TFPI2: variants seen among roughly 807,000 people sequenced by gnomAD.
The protein encoded by TFPI2 is tissue factor pathway inhibitor 2.
TFPI2 carries 23 observed loss-of-function variants against 23.1 expected under a neutral mutation model. The ratio of observed to expected loss-of-function variants is 1.00; its 90% CI spans 0.72 to 1.41. The LOEUF is 1.41. TFPI2 is among the 40% of genes most tolerant of loss of function. TFPI2 has a pLI of 0.00. For synonymous variants in TFPI2, 119 were observed against 111.7 expected, an observed-to-expected ratio of 1.07 and a Z score of -0.41; for missense variants, 291 against 299.6, an observed-to-expected ratio of 0.97 and a Z score of 0.21.
intron 3 of TFPI2, 41 bp from the exon 4 acceptor site, chr7:93,887,472 C>A: frequency 6.6e-7 from 1 of 1,522,290 alleles, no homozygotes; most frequent in South Asian, 1.2e-5. Flanking sequence ...GTTATAATAC[C>A]AGAATTTTTA....
rs1473845857 is a variant in TFPI2, at chr7:93,890,737, G to A, written c.-59C>T. The stretch of plus-strand genomic sequence containing the variant: ...CGTCCGAGAAAGCGCCTGGCGGGAG[G>A]AGGTGCGCGGCTTTCTGCTCCAGGC... On this transcript the variant is annotated 5_prime_UTR_variant, in exon 1 of 5. Transcript: ENST00000222543. 6.6e-7 allele frequency: 1 copy of A among 1,511,982 alleles called. No homozygotes were observed. Among genetic ancestry groups the A allele is most frequent in the African/African-American group, 1.4e-5 (1 of 70,362 alleles). The allele number at this position is 1,511,982 out of a possible 1,614,324, so 93.7% of individuals were successfully genotyped here.
At chr7:93,888,589 G>GGAAGGAAAGAGAAAGAAAGAA (rs138314368) in intron 3 of TFPI2, among the ~76,000 whole-genome samples, 16 of 103,336 alleles carry the variant, frequency 1.5e-4, no homozygotes, top group Admixed American at 8.8e-4. Context: ...AGGAAGGAAA[G>GGAAGGAAAGAGAAAGAAAGAA]AGAAAGAAAG....
chr7:93,890,330 G>A lies in TFPI2; in HGVS notation c.89-11C>T, dbSNP rs547296999. On this transcript the variant is annotated splice_polypyrimidine_tract_variant and intron_variant, in intron 1 of 4. Coordinates refer to ENST00000222543, the MANE Select transcript of TFPI2 (RefSeq NM_006528.4). ...TCTCCGCGTTATTTCCTGAAGAAGG[G>A]GCAGAAGGAGAGCAAAAGAGAGGGA... The A allele has an allele frequency of 1.3e-6, 2 of 1,597,672 alleles. No homozygotes were observed. The highest frequency in any genetic ancestry group is 3.4e-5 in the Admixed American group (2 of 58,918).
In TFPI2 at chr7:93,887,416, T is replaced by C. The variant is rs1439201619; in HGVS notation, c.476A>G (p.Tyr159Cys). 1.2e-6 allele frequency: 2 copies of C among 1,606,076 alleles called. No homozygotes were observed. The highest frequency in any genetic ancestry group is 1.3e-5 in the African/African-American group (1 of 74,540). ...CAPKKIPSFC[Y>C]SPKDEGLCSA... ...GCACAGTCCCTCATCTTTTGGACTG[T>C]AGCAAAATGATGGAACTTTATAAAA... The change falls in exon 4 of 5, where the codon TAC becomes TGC. Residue 159 changes from tyrosine (Y) to cysteine (C), a missense_variant. By Grantham distance (194) the Tyr-to-Cys change is radical. Transcript: ENST00000222543.
At position 93,887,327 on chromosome 7, in the gene TFPI2, T is replaced by C. The variant is rs1026266842; in HGVS notation, c.565A>G (p.Thr189Ala). ...RYRTCDAFTY[T>A]GCGGNDNNFV... is the part of the protein sequence containing the mutation. The stretch of plus-strand genomic sequence containing the variant: ...TTATTGTCATTCCCTCCACAGCCAG[T>C]ATAGGTGAAAGCATCACAGGTTCTG... The change falls in exon 4 of 5, where the codon ACT becomes GCT. Residue 189 changes from threonine (T) to alanine (A), a missense_variant. Thr to Ala is a moderately conservative substitution (Grantham distance 58, BLOSUM62 0). Coordinates refer to ENST00000222543, the MANE Select transcript of TFPI2 (RefSeq NM_006528.4). 36 of 1,613,748 alleles carry C rather than the reference T, an allele frequency of 2.2e-5. No individual in the cohort carries two copies. In the Admixed American group the frequency reaches 3.8e-4, roughly 17 times the overall value.
rs1216143414 is a variant in TFPI2, at chr7:93,886,807, A to T, written c.*13T>A. ...AAGCCATAAAGACAAACAAGATGAC[A>T]TATTAAGAATGTTTAAAATTGCTTC... On this transcript the variant is annotated 3_prime_UTR_variant, in exon 5 of 5. Transcript: ENST00000222543. The T allele has an allele frequency of 1.3e-6, 2 of 1,519,196 alleles. No individual in the cohort carries two copies. Among genetic ancestry groups the T allele is most frequent in the African/African-American group, 2.9e-5 (2 of 69,608 alleles). 94.1% of individuals were successfully genotyped at this position (1,519,196 alleles called of 1,614,324 possible).
At chr7:93,889,321 T>A (rs1369700571) in intron 2 of TFPI2, 98 bp from the exon 3 acceptor site, 1 of 1,151,862 alleles carries the variant, frequency 8.7e-7, no homozygotes, top group African/African-American at 1.6e-5. Context: ...GGGAGAGAAG[T>A]TGTATTAGTG....
At chr7:93,888,822 G>A (rs113675396) in intron 3 of TFPI2, among the ~76,000 whole-genome samples, 46 of 152,194 alleles carry the variant, frequency 3.0e-4, no homozygotes, top group African/African-American at 8.2e-4. Context: ...GCGAGAGTCC[G>A]TCTCAAAAAC....
rs767422286 is a variant in TFPI2 at position 93,890,259 on chromosome 7, A to T, written c.149T>A (p.Leu50His). 6.2e-7 allele frequency: 1 copy of T among 1,613,852 alleles called. No individual in the cohort carries two copies. The highest frequency in any genetic ancestry group is 1.1e-5 in the South Asian group (1 of 91,068). Residue 50 changes from leucine to histidine, a missense_variant, in exon 2 of 5, where the codon CTC becomes CAC. Leu to His is a moderately conservative substitution (Grantham distance 99). Coordinates refer to ENST00000222543, the MANE Select transcript of TFPI2 (RefSeq NM_006528.4). ...CGTGTACCTGTCGTAGTAGTAACGG[A>T]GAAGTAGGGCCCGGCAGGGTCCGTA... ...LDYGPCRALL[L>H]RYYYDRYTQS...
chr7:93,887,301 G>C lies in TFPI2; in HGVS notation c.591C>G (p.Asn197Lys). Residue 197 changes from asparagine to lysine, a missense_variant, in exon 4 of 5, where the codon AAC (asparagine) becomes AAG (lysine). Transcript: ENST00000222543. ...GTTTGCAATCCTCCCTGCTAACAAA[G>C]TTATTGTCATTCCCTCCACAGCCAG... is the stretch of plus-strand genomic sequence containing the variant. Reference protein sequence around the residue: ...TYTGCGGNDNNFVSREDCKRA... With the variant: ...TYTGCGGNDNKFVSREDCKRA... 1 of 1,613,008 alleles carries C rather than the reference G, an allele frequency of 6.2e-7. No homozygotes were observed. Among genetic ancestry groups the C allele is most frequent in the African/African-American group, 1.3e-5 (1 of 75,008 alleles).
At position 93,890,277 on chromosome 7, in the gene TFPI2, G is replaced by T; in HGVS notation, c.131C>A (p.Pro44His). The change falls in exon 2 of 5, where the codon CCC becomes CAC. Residue 44 changes from proline (P) to histidine (H), a missense_variant. Transcript: ENST00000222543. ...GTAACGGAGAAGTAGGGCCCGGCAGGGTCCGTAGTCTAGGGGCAGGAGACA... is the reference window on the plus strand; with the variant it reads ...GTAACGGAGAAGTAGGGCCCGGCAGTGTCCGTAGTCTAGGGGCAGGAGACA... ...EICLLPLDYG[P>H]CRALLLRYYY... 2.5e-6 allele frequency: 4 copies of T among 1,613,320 alleles called. No homozygotes were observed. Among genetic ancestry groups the T allele is most frequent in the Non-Finnish European group, 3.4e-6 (4 of 1,179,338 alleles).
intron 3 of TFPI2, 91 bp from the exon 4 acceptor site, chr7:93,887,522 C>T: frequency 1.0e-6 from 1 of 975,932 alleles, no homozygotes. Context: ...AAAATCTAAT[C>T]CCATAGAAGC....
In TFPI2 at chr7:93,886,824, A is replaced by T. The variant is rs776458771; in HGVS notation, c.704T>A (p.Phe235Tyr). Residue 235 changes from phenylalanine (F) to tyrosine (Y), a missense_variant, in exon 5 of 5, where the codon TTT (phenylalanine) becomes TAT (tyrosine). Coordinates refer to ENST00000222543, the MANE Select transcript of TFPI2 (RefSeq NM_006528.4). ...SRIRKIRKKQ[F>Y] ...AAGATGACATATTAAGAATGTTTAA[A>T]ATTGCTTCTTCCGAATTTTCCGGAT... is the stretch of plus-strand genomic sequence containing the variant. The T allele has an allele frequency of 2.5e-5, 39 of 1,553,528 alleles. 1 individual carries two copies. The Middle Eastern group carries it at 6.8e-4, about 27-fold the overall frequency.
At position 93,889,492 on chromosome 7, in the gene TFPI2, G is replaced by C. The variant is rs1584077900; in HGVS notation, c.272-269C>G. Among the ~76,000 whole-genome samples, 3 of 151,920 alleles carry C rather than the reference G, an allele frequency of 2.0e-5. No individual in the cohort carries two copies. In the East Asian group the frequency reaches 5.8e-4, roughly 29 times the overall value. On this transcript the variant is annotated intron_variant, in intron 2 of 4. Transcript: ENST00000222543. ...TGTTCTCTGATTGTACATATGCAGTGAATCAAAGCTTATTCACATGAATAC... is the reference window on the plus strand; with the variant it reads ...TGTTCTCTGATTGTACATATGCAGTCAATCAAAGCTTATTCACATGAATAC...
In TFPI2 at chr7:93,890,688, G is replaced by A; in HGVS notation, c.-10C>T. The A allele has an allele frequency of 6.2e-7, 1 of 1,605,464 alleles. No homozygotes were observed. Among genetic ancestry groups the A allele is most frequent in the East Asian group, 2.3e-5 (1 of 43,964 alleles). ...GGCGAGCGGGGTCCATGGTGCAGGG[G>A]GTCGGGCGGCCCGCTGGGCAAGGCG... On this transcript the variant is annotated 5_prime_UTR_variant, in exon 1 of 5. Transcript: ENST00000222543.
In TFPI2 at chr7:93,886,471, A is replaced by T. The variant is rs1793994455; in HGVS notation, c.*349T>A. On this transcript the variant is annotated 3_prime_UTR_variant, in exon 5 of 5. Coordinates refer to ENST00000222543, the MANE Select transcript of TFPI2 (RefSeq NM_006528.4). ...GTCCTTTTTATTCTCAAATATGTTA[A>T]AAGCACATGATTATATTGTCTTATG... is the stretch of plus-strand genomic sequence containing the variant. 6.0e-6 allele frequency: 1 copy of T among 166,462 alleles called. No homozygotes were observed. The highest frequency in any genetic ancestry group is 6.4e-5 in the Admixed American group (1 of 15,634). 10.3% of individuals were successfully genotyped at this position (166,462 alleles called of 1,614,324 possible).
intron 2 of TFPI2, among the ~76,000 whole-genome samples, chr7:93,889,517 C>T (rs1426923621): frequency 6.6e-6 from 1 of 152,032 alleles, no homozygotes; most frequent in Non-Finnish European, 1.5e-5. Flanking sequence ...CACATGAATA[C>T]GCATTTTCCC....
At chr7:93,890,543 C>G (rs112988173) in intron 1 of TFPI2, 48 bp downstream of exon 1, 2 of 1,587,092 alleles carry the variant, frequency 1.3e-6, no homozygotes, top group East Asian at 2.3e-5. Context: ...TGGCCCGCTG[C>G]GCCCTCTCCG....
At chr7:93,888,624 G>C (rs1198392619) in intron 3 of TFPI2, among the ~76,000 whole-genome samples, 1 of 144,118 alleles carries the variant, frequency 6.9e-6, no homozygotes, top group Non-Finnish European at 1.5e-5. Context: ...AGAAAGGAGA[G>C]AAAGGAAGGA....
Sources: allele counts gnomAD v4.1 joint callset (sites outside exome capture counted in the v4.1 genomes callset), GRCh38; gene constraint gnomAD v4.1.1; transcripts MANE v1.5; gene names NCBI Gene and HGNC (gene_info 2026-07-23, HGNC 2026-07-21).